The following RBFOX1 variants were observed in gnomAD, a reference collection of about 807,000 sequenced individuals.
RBFOX1 encodes RNA binding fox-1 homolog 1, also known as RNA binding protein fox-1 homolog 1.
RBFOX1 carries 8 observed loss-of-function variants against 57.7 expected under a neutral mutation model. The ratio of observed to expected loss-of-function variants is 0.14; its 90% CI spans 0.08 to 0.25. The LOEUF is 0.25. RBFOX1 is among the 10% of genes least tolerant of loss of function. The pLI is 1.00. For missense variants in RBFOX1, 611 were observed against 548.5 expected (o/e 1.11, Z -1.14); for synonymous variants, 326 against 222.4 (o/e 1.47, Z -4.15).
intron 3 of RBFOX1, among the ~76,000 whole-genome samples, chr16:5,856,187 CTA>C (rs1200113050): frequency 0.014 from 443 of 30,990 alleles, 8 homozygotes; most frequent in East Asian, 0.034. Flanking sequence ...CTCTCTCTCT[CTA>C]TATATATATA....
intron 4 of RBFOX1, among the ~76,000 whole-genome samples, chr16:7,215,016 C>T (rs1298885482): frequency 1.3e-5 from 2 of 152,132 alleles, no homozygotes; most frequent in African/African-American, 2.4e-5. Flanking sequence ...TTTTAAGCCC[C>T]ACATGCATTA....
intron 4 of RBFOX1, among the ~76,000 whole-genome samples, chr16:7,065,432 G>T (rs1184490692): frequency 6.6e-6 from 1 of 152,090 alleles, no homozygotes; most frequent in Non-Finnish European, 1.5e-5. Flanking sequence ...CTGTCCACAT[G>T]CTCCATGGTT....
intron 3 of RBFOX1, among the ~76,000 whole-genome samples, chr16:6,736,553 C>A (rs1244970543): frequency 6.6e-6 from 1 of 152,178 alleles, no homozygotes; most frequent in Admixed American, 6.5e-5. Flanking sequence ...TTTATTCACT[C>A]ATTGAGTAAT....
intron 5 of RBFOX1, among the ~76,000 whole-genome samples, chr16:7,558,837 A>G (rs558448450): frequency 2.0e-5 from 3 of 152,376 alleles, no homozygotes; most frequent in African/African-American, 4.8e-5. Flanking sequence ...TGAAATAAGT[A>G]TATGAAAATA....
At chr16:5,781,352 G>A (rs928372808) in intron 3 of RBFOX1, among the ~76,000 whole-genome samples, 4 of 152,132 alleles carry the variant, frequency 2.6e-5, no homozygotes, top group Admixed American at 2.0e-4. Flanking sequence ...TATTTCTAGA[G>A]TGAGCTTCTC....
At chr16:5,661,919 G>T (rs2049665120) in intron 3 of RBFOX1, among the ~76,000 whole-genome samples, 1 of 152,110 alleles carries the variant, frequency 6.6e-6, no homozygotes, top group Admixed American at 6.5e-5. Context: ...CCGAGTCGCT[G>T]GGACTACAGG....
intron 4 of RBFOX1, among the ~76,000 whole-genome samples, chr16:7,499,801 T>G (rs1277813265): frequency 1.3e-5 from 2 of 152,112 alleles, no homozygotes; most frequent in Non-Finnish European, 2.9e-5. Flanking sequence ...TAGCATTATC[T>G]ACTTCGCAGT....
chr16:5,484,748 T>G (rs566880953), intron 2 of RBFOX1, among the ~76,000 whole-genome samples: 210 of 151,582 alleles, frequency 1.4e-3, no homozygotes, highest in African/African-American at 4.9e-3. Flanking sequence ...CCATCTCTAC[T>G]AAAAGTACAA....
intron 3 of RBFOX1, among the ~76,000 whole-genome samples, chr16:5,617,093 C>T (rs866743135): frequency 7.9e-5 from 12 of 151,998 alleles, no homozygotes; most frequent in South Asian, 4.2e-4. Context: ...TTCCCTCCCT[C>T]ACTCCCTCCT....
intron 4 of RBFOX1, chr16:7,304,102 G>C: frequency 3.1e-6 from 2 of 651,964 alleles, no homozygotes; most frequent in Non-Finnish European, 3.8e-6. Flanking sequence ...TGGAGGCAGA[G>C]GAACGCCGGG....
intron 2 of RBFOX1, among the ~76,000 whole-genome samples, chr16:5,500,638 CCAGACACACCATCCT>C (rs1444975809): frequency 6.6e-6 from 1 of 152,168 alleles, no homozygotes; most frequent in Non-Finnish European, 1.5e-5. Context: ...GTCACTCTAT[CCAGACACACCATCCT>C]CAGCCAGCAG....
At chr16:7,177,488 TA>T (rs78279616) in intron 4 of RBFOX1, among the ~76,000 whole-genome samples, 2,648 of 143,234 alleles carry the variant, frequency 0.018, 38 homozygotes, top group Non-Finnish European at 0.029. Context: ...TATGTATCAA[TA>T]AAAAAAAAAA....
At chr16:6,835,333 C>T (rs2093014054) in intron 3 of RBFOX1, among the ~76,000 whole-genome samples, 1 of 152,118 alleles carries the variant, frequency 6.6e-6, no homozygotes, top group Non-Finnish European at 1.5e-5. Flanking sequence ...CTCATATAGG[C>T]ATAGACTCCT....
intron 4 of RBFOX1, among the ~76,000 whole-genome samples, chr16:7,206,923 G>A (rs2090105556): frequency 2.6e-5 from 4 of 152,132 alleles, no homozygotes; most frequent in Admixed American, 2.6e-4. Flanking sequence ...CTTACAGCAT[G>A]GTCTGTTTCT....
intron 4 of RBFOX1, among the ~76,000 whole-genome samples, chr16:7,479,320 G>A (rs1382511152): frequency 1.3e-5 from 2 of 151,870 alleles, no homozygotes; most frequent in African/African-American, 4.8e-5. Context: ...TGTAGAGATG[G>A]GGGTCTCACT....
At chr16:7,021,881 CTCTTTCTTTCTTTCTTT>C (rs961622553) in intron 3 of RBFOX1, among the ~76,000 whole-genome samples, 55 of 122,252 alleles carry the variant, frequency 4.5e-4, no homozygotes, top group East Asian at 1.8e-3. Context: ...TTCTTTCTCT[CTCTTTCTTTCTTTCTTT>C]TCTTTCTTTC....
intron 3 of RBFOX1, among the ~76,000 whole-genome samples, chr16:6,799,936 C>G (rs887885733): frequency 6.6e-6 from 1 of 152,066 alleles, no homozygotes; most frequent in Non-Finnish European, 1.5e-5. Flanking sequence ...AGTGAGACTT[C>G]GTCTTGTGAT....
At chr16:7,084,038 C>T (rs1281388525) in intron 4 of RBFOX1, among the ~76,000 whole-genome samples, 1 of 152,128 alleles carries the variant, frequency 6.6e-6, no homozygotes, top group Non-Finnish European at 1.5e-5. Context: ...GATCATCTTT[C>T]AGGTCATTTA....
intron 3 of RBFOX1, among the ~76,000 whole-genome samples, chr16:6,724,523 C>A (rs554637909): frequency 2.6e-5 from 4 of 152,044 alleles, no homozygotes; most frequent in African/African-American, 7.2e-5. Flanking sequence ...CTTCTGTGGA[C>A]GAGGAAGCAG....
Sources: allele counts gnomAD v4.1 joint callset (sites outside exome capture counted in the v4.1 genomes callset), GRCh38; gene constraint gnomAD v4.1.1; transcripts MANE v1.5; gene names NCBI Gene and HGNC (gene_info 2026-07-23, HGNC 2026-07-21).